MARCO: variants seen among roughly 807,000 people sequenced by gnomAD.
MARCO encodes the protein macrophage receptor MARCO.
A neutral mutation model predicts 70.0 loss-of-function variants in MARCO; 72 were observed. The ratio of observed to expected loss-of-function variants is 1.03; its 90% CI spans 0.85 to 1.25. The LOEUF (loss-of-function observed/expected upper bound fraction) is 1.25. Among genes scored for constraint, MARCO ranks in the 50% most tolerant of loss-of-function variants. The probability of loss-of-function intolerance (pLI) is 0.00; values close to 1 mark genes in which losing one functional copy is unlikely to be tolerated. For synonymous variants in MARCO, 273 were observed against 243.1 expected (o/e 1.12, Z -1.14); for missense variants, 696 against 659.3 (o/e 1.06, Z -0.61).
At position 118,992,461 on chromosome 2, in the gene MARCO, G is replaced by T; in HGVS notation, c.1237G>T (p.Glu413Ter). 6.2e-7 allele frequency: 1 copy of T among 1,613,092 alleles called. No homozygotes were observed. The change falls in exon 15 of 17, where the codon GAA (glutamate) becomes TAA (stop). Residue 413 changes from glutamate to a stop codon, truncating the protein, a stop_gained. Transcript: ENST00000327097. LOFTEE classifies it high-confidence loss of function. ...TTCTGGGGAGCAAGGAGTAAAGGGA[G>T]AAAAAGGTGAAAGAGGTAATCACTA... ...GSSGEQGVKG[E>*]KGERGENSVS...
rs77273139 is a variant in MARCO at position 118,973,889 on chromosome 2, G to A, written c.461-444G>A. Among the ~76,000 whole-genome samples the A allele has an allele frequency of 4.4e-4, 67 of 152,282 alleles. No individual in the cohort carries two copies. In the East Asian group the frequency reaches 9.9e-3, roughly 22 times the overall value. On this transcript the variant is annotated intron_variant, in intron 4 of 16. Transcript: ENST00000327097. ...GAAAGTTCCATGAGGATGAGAAGTC[G>A]CATAGGCACTGGGGATCCAGACATG...
chr2:118,987,097 T>C (rs1573408087), intron 12 of MARCO, among the ~76,000 whole-genome samples: 2 of 152,242 alleles, frequency 1.3e-5, no homozygotes, highest in South Asian at 4.1e-4. Flanking sequence ...GGAAGGCATA[T>C]GTTTTCTAAC....
chr2:118,945,110 G>A (rs1679570803), intron 1 of MARCO, among the ~76,000 whole-genome samples: 1 of 152,104 alleles, frequency 6.6e-6, no homozygotes, highest in African/African-American at 2.4e-5. Context: ...GTGGCCCTCA[G>A]GGTCTCACAG....
chr2:118,961,327 C>A (rs1679942681), intron 1 of MARCO, among the ~76,000 whole-genome samples: 1 of 152,192 alleles, frequency 6.6e-6, no homozygotes, highest in Non-Finnish European at 1.5e-5. Flanking sequence ...AATTTACATT[C>A]CCACCAACAG....
At chr2:118,946,726 CAAG>C (rs1404638548) in intron 1 of MARCO, among the ~76,000 whole-genome samples, 3 of 152,178 alleles carry the variant, frequency 2.0e-5, no homozygotes, top group Non-Finnish European at 2.9e-5. Context: ...TTTGGTTTTA[CAAG>C]AAGTAGTCGA....
intron 1 of MARCO, among the ~76,000 whole-genome samples, chr2:118,943,218 G>A (rs1679537109): frequency 6.6e-6 from 1 of 152,160 alleles, no homozygotes; most frequent in Non-Finnish European, 1.5e-5. Context: ...TGTCTGCCCA[G>A]GTCCCTGCCT....
intron 3 of MARCO, 50 bp from the exon 4 acceptor site, chr2:118,971,449 G>GC: frequency 1.2e-6 from 2 of 1,600,248 alleles, no homozygotes; most frequent in Non-Finnish European, 1.7e-6. Context: ...TGGGGCTTGG[G>GC]CCAAGGGTAC....
chr2:118,979,196 G>T (rs1038734091), intron 8 of MARCO, among the ~76,000 whole-genome samples: 23 of 152,200 alleles, frequency 1.5e-4, no homozygotes, highest in African/African-American at 5.6e-4. Flanking sequence ...AAGGGCATTT[G>T]TGGGAAAGAA....
intron 1 of MARCO, among the ~76,000 whole-genome samples, chr2:118,968,957 G>C (rs1680108678): frequency 1.3e-5 from 2 of 152,236 alleles, no homozygotes; most frequent in African/African-American, 2.4e-5. Flanking sequence ...CAGCCACACA[G>C]ATGAGTGACC....
chr2:118,966,869 A>G (rs969976653), intron 1 of MARCO, among the ~76,000 whole-genome samples: 2 of 152,200 alleles, frequency 1.3e-5, no homozygotes, highest in Non-Finnish European at 2.9e-5. Flanking sequence ...GTTAAATGTG[A>G]GGCTCCCCTC....
chr2:118,944,205 T>G (rs1156578693), intron 1 of MARCO, among the ~76,000 whole-genome samples: 1 of 152,100 alleles, frequency 6.6e-6, no homozygotes, highest in African/African-American at 2.4e-5. Flanking sequence ...CTGGGCAACA[T>G]AGTGAGACCC....
intron 1 of MARCO, among the ~76,000 whole-genome samples, chr2:118,968,379 A>G (rs1029977845): frequency 6.6e-6 from 1 of 152,226 alleles, no homozygotes; most frequent in African/African-American, 2.4e-5. Flanking sequence ...AAAGAAAACT[A>G]GGAAAATGTC....
At chr2:118,980,148 C>CA (rs1321799580) in intron 8 of MARCO, among the ~76,000 whole-genome samples, 10 of 152,142 alleles carry the variant, frequency 6.6e-5, no homozygotes, top group Non-Finnish European at 1.3e-4. Flanking sequence ...TGGCCCACAG[C>CA]AAAAAAGGCA....
chr2:118,994,340 T>C, intron 16 of MARCO, 47 bp from the exon 17 acceptor site: 1 of 1,612,472 alleles, frequency 6.2e-7, no homozygotes, highest in Non-Finnish European at 8.5e-7. Context: ...TTGCTTTGAC[T>C]CTAATCCTAC....
At chr2:118,985,935 A>G (rs980091111) in intron 12 of MARCO, among the ~76,000 whole-genome samples, 3 of 152,146 alleles carry the variant, frequency 2.0e-5, no homozygotes, top group African/African-American at 7.2e-5. Context: ...ATAACTCAAA[A>G]TCCATTTTCT....
At position 118,969,065 on chromosome 2, in the gene MARCO, G is replaced by T. The variant is rs1573389977; in HGVS notation, c.98-95G>T. 29 of 821,982 alleles carry T rather than the reference G, an allele frequency of 3.5e-5. No individual in the cohort carries two copies. In the East Asian group the frequency reaches 6.8e-4, roughly 19 times the overall value. The allele number at this position is 821,982 out of a possible 1,614,324, so 50.9% of individuals were successfully genotyped here. On this transcript the variant is annotated intron_variant, in intron 1 of 16. Transcript: ENST00000327097. ...TCTTTCCCAGCTGACCTCACAGGGTGCCCCCTGCTCACATGGAGTAGGGCC... is the reference window on the plus strand; with the variant it reads ...TCTTTCCCAGCTGACCTCACAGGGTTCCCCCTGCTCACATGGAGTAGGGCC...
chr2:118,948,973 C>G (rs1679662889), intron 1 of MARCO, among the ~76,000 whole-genome samples: 1 of 152,158 alleles, frequency 6.6e-6, no homozygotes, highest in Non-Finnish European at 1.5e-5. Flanking sequence ...TAAGGGTGGA[C>G]TGATGGGTCA....
rs1558671923 is a variant in MARCO, at chr2:118,986,701, GAAA to G, written c.1064-3887_1064-3885del. 1.9e-3 allele frequency among the ~76,000 whole-genome samples: 166 copies of G among 89,278 alleles called. 25 individuals carry two copies. The highest frequency in any genetic ancestry group is 8.0e-3 in the African/African-American group (153 of 19,082). The allele number at this position is 89,278 out of a possible 152,430, so 58.6% of individuals were successfully genotyped here. ...AGAAAGAAAGAAAGAAAGAAAGAAA[GAAA>G]GAAAGAAAGAAAGAAAGAAAAGAAA... is the stretch of plus-strand genomic sequence containing the variant. On this transcript the variant is annotated intron_variant, in intron 12 of 16. Coordinates refer to ENST00000327097, the MANE Select transcript of MARCO (RefSeq NM_006770.4).
At chr2:118,944,429 G>A (rs753443262) in intron 1 of MARCO, among the ~76,000 whole-genome samples, 4 of 152,220 alleles carry the variant, frequency 2.6e-5, no homozygotes, top group Middle Eastern at 3.4e-3. Context: ...ACCCCTCAGG[G>A]CCGGCTCTGC....
Sources: gnomAD v4.1 joint callset for allele counts (sites outside exome capture counted in the v4.1 genomes callset) on GRCh38, gnomAD v4.1.1 for gene constraint, MANE v1.5 for transcripts, NCBI Gene and HGNC (gene_info 2026-07-23, HGNC 2026-07-21) for gene names.